TTLL11: variants seen among roughly 807,000 people sequenced by gnomAD.
TTLL11 encodes tubulin tyrosine ligase like 11, also known as tubulin polyglutamylase TTLL11.
In TTLL11, 42 loss-of-function variants were observed where a neutral mutation model predicts 51.7. That is an observed-to-expected ratio of 0.81 (90% confidence interval 0.64 to 1.05). The LOEUF is 1.05. Among genes scored for constraint, TTLL11 ranks in the 50% least tolerant of loss-of-function variants. The pLI is 0.00. For missense variants in TTLL11, 799 were observed against 940.4 expected, an observed-to-expected ratio of 0.85 and a Z score of 1.97; for synonymous variants, 381 against 383.5, an observed-to-expected ratio of 0.99 and a Z score of 0.08.
intron 1 of TTLL11, among the ~76,000 whole-genome samples, chr9:122,044,823 A>T (rs1180484826): frequency 6.6e-6 from 1 of 152,194 alleles, no homozygotes; most frequent in East Asian, 1.9e-4. Flanking sequence ...CTATTATCAA[A>T]AACAGGCTGG....
At chr9:121,965,742 A>G (rs1337919568) in intron 6 of TTLL11, among the ~76,000 whole-genome samples, 3 of 152,182 alleles carry the variant, frequency 2.0e-5, no homozygotes, top group Non-Finnish European at 4.4e-5. Flanking sequence ...GATAGTTAAG[A>G]ACTCCTCTTC....
chr9:121,912,088 A>G (rs927069990), intron 6 of TTLL11, among the ~76,000 whole-genome samples: 1 of 152,232 alleles, frequency 6.6e-6, no homozygotes, highest in African/African-American at 2.4e-5. Flanking sequence ...AATTGGACAC[A>G]GTGCTCCTGC....
At chr9:121,987,813 C>T (rs1451933915) in intron 4 of TTLL11, among the ~76,000 whole-genome samples, 2 of 152,004 alleles carry the variant, frequency 1.3e-5, no homozygotes, top group African/African-American at 2.4e-5. Context: ...GTGATTCCCA[C>T]AGGTGTCTTC....
chr9:121,929,418 C>T (rs1405001904), intron 6 of TTLL11, among the ~76,000 whole-genome samples: 1 of 150,900 alleles, frequency 6.6e-6, no homozygotes, highest in African/African-American at 2.4e-5. Flanking sequence ...CCAGCCTGGG[C>T]AACAGAGCGA....
intron 6 of TTLL11, among the ~76,000 whole-genome samples, chr9:121,970,109 AG>A (rs1842510933): frequency 6.6e-6 from 1 of 152,228 alleles, no homozygotes; most frequent in South Asian, 2.1e-4. Flanking sequence ...ATGAGATGAA[AG>A]GGTTTTATAT....
intron 3 of TTLL11, among the ~76,000 whole-genome samples, chr9:122,025,167 A>G (rs1255729938): frequency 6.6e-6 from 1 of 152,168 alleles, no homozygotes; most frequent in African/African-American, 2.4e-5. Flanking sequence ...TTAAAAAAAA[A>G]TAGGCAAAAC....
At chr9:122,024,905 A>AT (rs1284972412) in intron 3 of TTLL11, among the ~76,000 whole-genome samples, 1 of 4,512 alleles carries the variant, frequency 2.2e-4, no homozygotes, top group Non-Finnish European at 0.016. Context: ...AGCATGATCT[A>AT]TTAAAAAATT....
intron 3 of TTLL11, among the ~76,000 whole-genome samples, chr9:121,994,243 G>A (rs1181204186): frequency 6.6e-6 from 1 of 152,166 alleles, no homozygotes; most frequent in Non-Finnish European, 1.5e-5. Context: ...GGGTTATGAA[G>A]GCAGGAGCGG....
intron 1 of TTLL11, among the ~76,000 whole-genome samples, chr9:122,045,061 GCAC>G (rs1028742352): frequency 6.6e-6 from 1 of 151,804 alleles, no homozygotes; most frequent in Admixed American, 6.6e-5. Flanking sequence ...AACTATGATT[GCAC>G]CACTGCTCTC....
At chr9:122,053,149 C>A (rs1272362604) in intron 1 of TTLL11, among the ~76,000 whole-genome samples, 2 of 152,194 alleles carry the variant, frequency 1.3e-5, no homozygotes, top group Non-Finnish European at 2.9e-5. Flanking sequence ...TCAAGCATGG[C>A]TCTGGTCCAC....
At chr9:121,862,045 G>A (rs1838027814) in intron 7 of TTLL11, among the ~76,000 whole-genome samples, 1 of 152,162 alleles carries the variant, frequency 6.6e-6, no homozygotes, top group Admixed American at 6.5e-5. Flanking sequence ...ACGGGCCTCT[G>A]AGCTTTGGAT....
At chr9:122,026,437 CA>C (rs59569615) in intron 3 of TTLL11, among the ~76,000 whole-genome samples, 7,103 of 74,604 alleles carry the variant, frequency 0.095, 243 homozygotes, top group Admixed American at 0.21. Flanking sequence ...GACTCCATTT[CA>C]AAAAAAAAAA....
chr9:122,029,266 T>C (rs1005842929), intron 3 of TTLL11, among the ~76,000 whole-genome samples: 1 of 152,214 alleles, frequency 6.6e-6, no homozygotes, highest in African/African-American at 2.4e-5. Context: ...AGTGTACTCC[T>C]TCTACTTCTA....
chr9:121,982,488 G>A (rs1189958978), intron 4 of TTLL11, among the ~76,000 whole-genome samples: 3 of 152,032 alleles, frequency 2.0e-5, no homozygotes, highest in African/African-American at 4.8e-5. Flanking sequence ...AGGCCGAGGC[G>A]GGTGGATCAC....
intron 8 of TTLL11, among the ~76,000 whole-genome samples, chr9:121,826,337 T>G (rs1404172139): frequency 4.8e-5 from 6 of 126,132 alleles, no homozygotes; most frequent in Non-Finnish European, 8.4e-5. Flanking sequence ...TGGGTTTATA[T>G]ATATGGGTTA....
At chr9:121,961,591 A>AAT (rs1475206865) in intron 6 of TTLL11, among the ~76,000 whole-genome samples, 1 of 151,904 alleles carries the variant, frequency 6.6e-6, no homozygotes, top group Non-Finnish European at 1.5e-5. Flanking sequence ...TGCCCCAGGG[A>AAT]CTCTCTCTAC....
chr9:122,092,786 G>A lies in TTLL11; in HGVS notation c.363C>T (p.Gly121=), dbSNP rs1846298366. Residue 121 remains glycine (G), a synonymous_variant, in exon 1 of 9, where the codon GGC becomes GGT. Transcript: ENST00000321582. ...TGACCGGCCGCTGGGAGCCGTTCTC[G>A]CCGGAACCGTGGCCCGAGCTCCGCT... ...SCKRSSGHGS[G]ENGSQRPVTV... 7 of 1,540,926 alleles carry A rather than the reference G, an allele frequency of 4.5e-6. No homozygotes were observed. The highest frequency in any genetic ancestry group is 6.1e-6 in the Non-Finnish European group (7 of 1,149,234).
chr9:121,912,574 C>T (rs1398256423), intron 6 of TTLL11, among the ~76,000 whole-genome samples: 1 of 151,962 alleles, frequency 6.6e-6, no homozygotes, highest in Non-Finnish European at 1.5e-5. Context: ...CCCTTCTATA[C>T]CTTATATACA....
chr9:121,964,692 C>G (rs1292117499), intron 6 of TTLL11, among the ~76,000 whole-genome samples: 1 of 152,148 alleles, frequency 6.6e-6, no homozygotes, highest in African/African-American at 2.4e-5. Context: ...TGCACCCATC[C>G]CTCCTGCCTA....
Sources: allele counts gnomAD v4.1 joint callset (sites outside exome capture counted in the v4.1 genomes callset), GRCh38; gene constraint gnomAD v4.1.1; transcripts MANE v1.5; gene names NCBI Gene and HGNC (gene_info 2026-07-23, HGNC 2026-07-21).